Variants in ZHX2 observed in about 807,000 individuals in gnomAD.
The protein encoded by ZHX2 is zinc fingers and homeoboxes protein 2.
ZHX2 carries 6 observed loss-of-function variants against 21.9 expected under a neutral mutation model. That is an observed-to-expected ratio of 0.27 (90% CI 0.15 to 0.54). ZHX2 has a LOEUF of 0.54. Among genes scored for constraint, ZHX2 ranks in the 20% least tolerant of loss-of-function variants. The pLI is 0.95. For synonymous variants in ZHX2, 434 were observed against 437.1 expected (o/e 0.99, Z 0.09); for missense variants, 908 against 1,090.7 (o/e 0.83, Z 2.36).
intron 1 of ZHX2, among the ~76,000 whole-genome samples, chr8:122,856,537 T>G (rs1819027601): frequency 6.6e-6 from 1 of 152,132 alleles, no homozygotes; most frequent in Non-Finnish European, 1.5e-5. Context: ...AGGGCTCACT[T>G]TCATAGACTC....
chr8:122,903,633 C>T (rs1235503225), intron 2 of ZHX2, among the ~76,000 whole-genome samples: 1 of 152,162 alleles, frequency 6.6e-6, no homozygotes, highest in Non-Finnish European at 1.5e-5. Context: ...GTGTCCATTG[C>T]TAGGCTAACA....
chr8:122,793,058 C>T (rs909335647), intron 1 of ZHX2, among the ~76,000 whole-genome samples: 8 of 152,184 alleles, frequency 5.3e-5, no homozygotes, highest in Non-Finnish European at 8.8e-5. Flanking sequence ...CCACAGTTAG[C>T]CTGGCTGGAC....
chr8:122,893,774 T>G (rs1479847195), intron 2 of ZHX2, among the ~76,000 whole-genome samples: 1 of 152,256 alleles, frequency 6.6e-6, no homozygotes, highest in South Asian at 2.1e-4. Context: ...TTGCTGAATT[T>G]CTTTAAGATC....
intron 1 of ZHX2, among the ~76,000 whole-genome samples, chr8:122,835,999 C>T (rs1818487070): frequency 6.6e-6 from 1 of 152,030 alleles, no homozygotes; most frequent in Admixed American, 6.6e-5. Context: ...GCCTAGAGGG[C>T]TGTCCTTTGG....
chr8:122,847,306 G>C (rs1351291630), intron 1 of ZHX2, among the ~76,000 whole-genome samples: 3 of 152,160 alleles, frequency 2.0e-5, no homozygotes, highest in Non-Finnish European at 4.4e-5. Flanking sequence ...GAGGGGGGTT[G>C]AGCCCACTGT....
intron 1 of ZHX2, among the ~76,000 whole-genome samples, chr8:122,791,166 G>A (rs1447673064): frequency 2.6e-5 from 4 of 152,186 alleles, no homozygotes; most frequent in African/African-American, 9.7e-5. Context: ...GTGCATTCAG[G>A]GTCTTCCTCT....
intron 2 of ZHX2, among the ~76,000 whole-genome samples, chr8:122,886,192 C>G (rs1419367800): frequency 6.6e-6 from 1 of 152,122 alleles, no homozygotes; most frequent in East Asian, 1.9e-4. Context: ...ACGGAGAAAC[C>G]TTCAATGCAT....
At chr8:122,843,619 T>C (rs1586317688) in intron 1 of ZHX2, among the ~76,000 whole-genome samples, 1 of 152,336 alleles carries the variant, frequency 6.6e-6, no homozygotes, top group South Asian at 2.1e-4. Flanking sequence ...AACGGTGAAC[T>C]GCTGCCGGAT....
At chr8:122,820,613 G>A (rs1271651955) in intron 1 of ZHX2, among the ~76,000 whole-genome samples, 3 of 152,140 alleles carry the variant, frequency 2.0e-5, no homozygotes, top group African/African-American at 7.2e-5. Flanking sequence ...GGATTGATAC[G>A]GAGAATAGTC....
At chr8:122,868,698 CAAAAAAA>C (rs35306891) in intron 2 of ZHX2, among the ~76,000 whole-genome samples, 2 of 100,644 alleles carry the variant, frequency 2.0e-5, no homozygotes, top group Non-Finnish European at 1.9e-5. Context: ...AAGACTCCGT[CAAAAAAA>C]AAAAAAAAAA....
At chr8:122,931,999 T>C (rs1025800236) in intron 2 of ZHX2, among the ~76,000 whole-genome samples, 3 of 152,188 alleles carry the variant, frequency 2.0e-5, no homozygotes, top group African/African-American at 7.2e-5. Context: ...CTCTAAAGAC[T>C]AGCATTTTCA....
rs1284139279 is a variant in ZHX2 at position 122,952,629 on chromosome 8, G to T, written c.1119G>T (p.Gln373His). The change falls in exon 3 of 4, where the codon CAG becomes CAT. Residue 373 changes from glutamine (Q) to histidine (H), a missense_variant. Around this residue, in one of 4 missense-constraint regions of ZHX2, gnomAD observed 232 missense variants for 361.8 expected, o/e 0.64. Transcript: ENST00000314393. This position sits in a 1 kb window ranked among gnomAD's most constrained non-coding sequence, Gnocchi z 6.9. ...CTCTACCGTGCCAGATCCTCGGCCA[G>T]ACTAGCCTGGTGCTGACTCAGGTGA... ...QTALPCQILG[Q>H]TSLVLTQVTS... 4 of 1,614,194 alleles carry T rather than the reference G, an allele frequency of 2.5e-6. No individual in the cohort carries two copies. The highest frequency in any genetic ancestry group is 3.4e-6 in the Non-Finnish European group (4 of 1,180,046).
chr8:122,933,501 G>A (rs1331908474), intron 2 of ZHX2, among the ~76,000 whole-genome samples: 3 of 152,074 alleles, frequency 2.0e-5, no homozygotes, highest in Admixed American at 1.3e-4. Flanking sequence ...GTTTGTGGGC[G>A]TGTAGGTGTG....
At chr8:122,885,961 A>G (rs2129822586) in intron 2 of ZHX2, among the ~76,000 whole-genome samples, 1 of 152,280 alleles carries the variant, frequency 6.6e-6, no homozygotes, top group Non-Finnish European at 1.5e-5. Context: ...AGAATTGAGT[A>G]CACATATATA....
At chr8:122,835,259 A>G (rs1162934907) in intron 1 of ZHX2, among the ~76,000 whole-genome samples, 1 of 152,244 alleles carries the variant, frequency 6.6e-6, no homozygotes, top group African/African-American at 2.4e-5. Context: ...GGGGTATTCT[A>G]GCACCGGCGC....
intron 2 of ZHX2, among the ~76,000 whole-genome samples, chr8:122,948,028 A>T (rs1586413987): frequency 6.6e-6 from 1 of 152,036 alleles, no homozygotes; most frequent in African/African-American, 2.4e-5. Context: ...CCCACTGCTG[A>T]TGAATTTGAC....
chr8:122,787,315 A>G (rs1469613133), intron 1 of ZHX2, among the ~76,000 whole-genome samples: 1 of 152,168 alleles, frequency 6.6e-6, no homozygotes, highest in Admixed American at 6.5e-5. Context: ...ACTCCCTAAC[A>G]TTAGAAACAC....
At chr8:122,957,432 A>G (rs1813334560) in intron 3 of ZHX2, among the ~76,000 whole-genome samples, 1 of 151,686 alleles carries the variant, frequency 6.6e-6, no homozygotes, top group African/African-American at 2.4e-5. Context: ...GATATCTCTG[A>G]TGGCTCCCTG....
chr8:122,900,069 A>G (rs1196203870), intron 2 of ZHX2, among the ~76,000 whole-genome samples: 1 of 152,198 alleles, frequency 6.6e-6, no homozygotes, highest in Non-Finnish European at 1.5e-5. Context: ...TTCTCCCTCT[A>G]TTAATACTCC....
Sources: allele counts gnomAD v4.1 joint callset (sites outside exome capture counted in the v4.1 genomes callset), GRCh38; gene constraint gnomAD v4.1.1; regional missense constraint gnomAD v4.1.1; non-coding constraint Gnocchi (gnomAD v3.1); transcripts MANE v1.5; gene names NCBI Gene and HGNC (gene_info 2026-07-23, HGNC 2026-07-21).